DNAAF9: variants seen among roughly 807,000 people sequenced by gnomAD.
DNAAF9 encodes the protein shulin.
A neutral mutation model predicts 167.0 loss-of-function variants in DNAAF9; 90 were observed. The ratio of observed to expected loss-of-function variants is 0.54; its 90% CI spans 0.45 to 0.64. The LOEUF is 0.64. Ranked by LOEUF, DNAAF9 falls within the 30% of genes least tolerant of loss-of-function variation. The pLI, the probability that DNAAF9 is intolerant of heterozygous loss-of-function variation, is 0.00. For missense variants in DNAAF9, 1,315 were observed against 1,442.2 expected (o/e 0.91, Z 1.43); for synonymous variants, 491 against 508.8 (o/e 0.96, Z 0.47).
intron 21 of DNAAF9, among the ~76,000 whole-genome samples, chr20:3,301,172 G>A (rs1354666375): frequency 1.4e-5 from 2 of 138,050 alleles, no homozygotes; most frequent in East Asian, 4.2e-4. Flanking sequence ...ACACCATCAT[G>A]CTTGGCTTTT....
chr20:3,317,224 G>A (rs1246732300), intron 17 of DNAAF9, among the ~76,000 whole-genome samples: 1 of 151,794 alleles, frequency 6.6e-6, no homozygotes, highest in African/African-American at 2.4e-5. Flanking sequence ...TTAGCCAGGT[G>A]TGGTGGCGCA....
At position 3,315,719 on chromosome 20, in the gene DNAAF9, T is replaced by C; in HGVS notation, c.1590+16A>G. The C allele has an allele frequency of 6.2e-7, 1 of 1,600,086 alleles. No individual in the cohort carries two copies. Among genetic ancestry groups the C allele is most frequent in the Non-Finnish European group, 8.6e-7 (1 of 1,167,190 alleles). ...TTTGATATAATGTTCACACTGAGAA[T>C]AAGAAGGCTGCTTACCCTCACTGCT... On this transcript the variant is annotated intron_variant, in intron 19 of 36. Coordinates refer to ENST00000252032, the MANE Select transcript of DNAAF9 (RefSeq NM_001009984.3). The surrounding 1 kb of genome is among the most constrained non-coding windows in gnomAD (Gnocchi z 4.1).
rs893895827 is a variant in DNAAF9 at position 3,251,412 on chromosome 20, C to T, written c.*1160G>A. 2 of 152,190 alleles carry T rather than the reference C, an allele frequency of 1.3e-5. No homozygotes were observed. The highest frequency in any genetic ancestry group is 4.8e-5 in the African/African-American group (2 of 41,428). The allele number at this position is 152,190 out of a possible 1,614,324, so 9.4% of individuals were successfully genotyped here. The stretch of plus-strand genomic sequence containing the variant: ...GCTGAGGCACTGAAGTCCTAAGAGA[C>T]ATCACCTAAATATCAGTGGCTGTGA... On this transcript the variant is annotated 3_prime_UTR_variant, in exon 37 of 37. Transcript: ENST00000252032.
chr20:3,255,059 C>G (rs542524793), intron 35 of DNAAF9, among the ~76,000 whole-genome samples, 160 bp downstream of exon 35: 79 of 152,340 alleles, frequency 5.2e-4, no homozygotes, highest in African/African-American at 1.9e-3. Flanking sequence ...GCTGCAAAGG[C>G]CAGAATTCTG....
rs948689933 is a variant in DNAAF9 at position 3,315,696 on chromosome 20, T to G, written c.1590+39A>C. ...TTTATGAATTGCTTACATTATTTTT[T>G]GATATAATGTTCACACTGAGAATAA... On this transcript the variant is annotated intron_variant, in intron 19 of 36. Coordinates refer to ENST00000252032, the MANE Select transcript of DNAAF9 (RefSeq NM_001009984.3). This position sits in a 1 kb window ranked among gnomAD's most constrained non-coding sequence, Gnocchi z 4.1. The G allele has an allele frequency of 2.5e-5, 38 of 1,501,248 alleles. No individual in the cohort carries two copies. The highest frequency in any genetic ancestry group is 6.7e-5 in the Admixed American group (4 of 59,876). The allele number at this position is 1,501,248 out of a possible 1,614,324, so 93.0% of individuals were successfully genotyped here. A position where few individuals can be genotyped will look rare whatever the true frequency, so the allele number is the denominator to read the frequency against.
chr20:3,262,307 G>C (rs949088498), intron 31 of DNAAF9, among the ~76,000 whole-genome samples: 5 of 149,198 alleles, frequency 3.4e-5, no homozygotes, highest in Non-Finnish European at 3.0e-5. Context: ...CTGGAGTGCA[G>C]TGGTGCGATC....
chr20:3,326,866 T>C (rs1001405436), intron 12 of DNAAF9, among the ~76,000 whole-genome samples: 2 of 152,160 alleles, frequency 1.3e-5, no homozygotes, highest in Non-Finnish European at 2.9e-5. Context: ...TCCCTGTTTG[T>C]AACCAAACAG....
intron 25 of DNAAF9, 60 bp from the exon 26 acceptor site, chr20:3,290,277 G>T: frequency 9.0e-7 from 1 of 1,106,044 alleles, no homozygotes; most frequent in Non-Finnish European, 1.4e-6. Context: ...GTAAGAAGAG[G>T]TTAAGAGAAC....
rs1600818604 is a variant in DNAAF9, at chr20:3,340,789, C to G, written c.846-150G>C. 5 of 672,996 alleles carry G rather than the reference C, an allele frequency of 7.4e-6. No individual in the cohort carries two copies. In the African/African-American group the frequency reaches 8.9e-5, roughly 12 times the overall value. The allele number at this position is 672,996 out of a possible 1,614,324, so 41.7% of individuals were successfully genotyped here. On this transcript the variant is annotated intron_variant, in intron 9 of 36. Coordinates refer to ENST00000252032, the MANE Select transcript of DNAAF9 (RefSeq NM_001009984.3). ...AGTACAGTCGACCGAATATCCTTGG[C>G]TGGTTGGAAACGGATGCCAGCTGTC... is the stretch of plus-strand genomic sequence containing the variant.
intron 20 of DNAAF9, among the ~76,000 whole-genome samples, chr20:3,308,399 G>C (rs944160629): frequency 7.0e-6 from 1 of 143,404 alleles, no homozygotes; most frequent in Admixed American, 7.3e-5. Context: ...CTGGAGTGCA[G>C]TGGTGCCATC....
chr20:3,280,129 C>T (rs2068740841), intron 28 of DNAAF9, among the ~76,000 whole-genome samples: 1 of 152,036 alleles, frequency 6.6e-6, no homozygotes, highest in Admixed American at 6.6e-5. Flanking sequence ...GGAGGAAAAC[C>T]CATGTGCTAT....
chr20:3,337,250 T>C (rs565232425), intron 10 of DNAAF9, among the ~76,000 whole-genome samples: 13 of 151,530 alleles, frequency 8.6e-5, no homozygotes, highest in Admixed American at 2.0e-4. Context: ...AGGGTATTTG[T>C]AGTTGCTCAC....
chr20:3,371,404 C>T (rs1276720156), intron 6 of DNAAF9, among the ~76,000 whole-genome samples: 3 of 127,252 alleles, frequency 2.4e-5, no homozygotes, highest in Admixed American at 1.0e-4. Context: ...AGTGCAGTGG[C>T]GCTATCTCGG....
chr20:3,269,972 C>A (rs1247001305), intron 30 of DNAAF9, among the ~76,000 whole-genome samples: 1 of 149,288 alleles, frequency 6.7e-6, no homozygotes, highest in Non-Finnish European at 1.5e-5. Flanking sequence ...AAAAAAAAAA[C>A]ACTTCAAAAA....
At chr20:3,268,897 C>CTTTTT (rs386393120) in intron 30 of DNAAF9, among the ~76,000 whole-genome samples, 13,695 of 85,418 alleles carry the variant, frequency 0.16, 2,217 homozygotes, top group East Asian at 0.26. Context: ...CTCTATGTTA[C>CTTTTT]TTTTTTTTTT....
chr20:3,259,219 C>G (rs1055445248), intron 33 of DNAAF9, among the ~76,000 whole-genome samples: 4 of 152,196 alleles, frequency 2.6e-5, no homozygotes, highest in African/African-American at 4.8e-5. Flanking sequence ...GGTCAAAAAG[C>G]TGTGAGAAGA....
At chr20:3,338,387 G>C (rs2070008105) in intron 10 of DNAAF9, among the ~76,000 whole-genome samples, 2 of 151,918 alleles carry the variant, frequency 1.3e-5, no homozygotes, top group African/African-American at 4.8e-5. Context: ...TCCCCTTTTG[G>C]CATTTTAAGA....
chr20:3,290,054 C>CT (rs913431933), intron 26 of DNAAF9, 75 bp downstream of exon 26: 40 of 912,314 alleles, frequency 4.4e-5, no homozygotes, highest in African/African-American at 1.6e-5. Context: ...CAGTACATGT[C>CT]TAAGGTTTTC....
intron 23 of DNAAF9, chr20:3,296,308 A>C: frequency 2.7e-6 from 1 of 372,706 alleles, no homozygotes. Flanking sequence ...GCCCAACACC[A>C]TGCTTGGCCC....
Sources: allele counts gnomAD v4.1 joint callset (sites outside exome capture counted in the v4.1 genomes callset), GRCh38; gene constraint gnomAD v4.1.1; non-coding constraint Gnocchi (gnomAD v3.1); transcripts MANE v1.5; gene names NCBI Gene and HGNC (gene_info 2026-07-23, HGNC 2026-07-21).